Variants in LTBP1 observed in about 807,000 individuals in gnomAD.
LTBP1 encodes latent transforming growth factor beta binding protein 1, also known as latent-transforming growth factor beta-binding protein 1.
Under a neutral mutation model 207.6 loss-of-function variants are expected in LTBP1, and 129 were observed. The observed-to-expected ratio is 0.62, with a 90% CI of 0.54 to 0.72. The LOEUF (loss-of-function observed/expected upper bound fraction) is 0.72, where lower values mean the gene tolerates loss of function less well. LTBP1 is among the 30% of genes least tolerant of loss of function. The probability of loss-of-function intolerance (pLI) is 0.00; values close to 1 mark genes in which losing one functional copy is unlikely to be tolerated. For synonymous variants in LTBP1, 963 were observed against 833.7 expected (o/e 1.16, Z -2.67); for missense variants, 2,281 against 2,217.2 (o/e 1.03, Z -0.58).
At position 33,342,978 on chromosome 2, in the gene LTBP1, T is replaced by G. The variant is rs772083349; in HGVS notation, c.3856+15T>G. On this transcript the variant is annotated intron_variant, in intron 25 of 33. Coordinates refer to ENST00000404816, the MANE Select transcript of LTBP1 (RefSeq NM_206943.4). The stretch of plus-strand genomic sequence containing the variant: ...AGGGTGTGTGGGTGAGTTTTTAGAT[T>G]TTTTCCCAACGTGTTTCACATGTCC... 6.2e-7 allele frequency: 1 copy of G among 1,605,154 alleles called. No individual in the cohort carries two copies. The highest frequency in any genetic ancestry group is 1.1e-5 in the South Asian group (1 of 89,940).
intron 4 of LTBP1, among the ~76,000 whole-genome samples, chr2:33,122,412 C>T (rs1345376832): frequency 6.6e-6 from 1 of 152,164 alleles, no homozygotes; most frequent in Non-Finnish European, 1.5e-5. Flanking sequence ...CTATGGGTGA[C>T]CTCACCTTCT....
intron 3 of LTBP1, among the ~76,000 whole-genome samples, chr2:33,039,080 G>A (rs1490327764): frequency 2.6e-5 from 4 of 152,192 alleles, no homozygotes; most frequent in Admixed American, 2.6e-4. Context: ...GCAGTCTCTA[G>A]CTCTCACAAA....
At chr2:33,012,493 G>T (rs1687810115) in intron 2 of LTBP1, among the ~76,000 whole-genome samples, 1 of 152,130 alleles carries the variant, frequency 6.6e-6, no homozygotes, top group Non-Finnish European at 1.5e-5. Flanking sequence ...ACAAATATTT[G>T]CCAATTGTCC....
chr2:33,243,398 G>A (rs951192509), intron 9 of LTBP1, among the ~76,000 whole-genome samples: 1 of 152,170 alleles, frequency 6.6e-6, no homozygotes, highest in African/African-American at 2.4e-5. Context: ...CAAAAGCTCT[G>A]TGAAGGCCAG....
chr2:33,010,749 C>G (rs1687572756), intron 2 of LTBP1, among the ~76,000 whole-genome samples: 1 of 133,820 alleles, frequency 7.5e-6, no homozygotes, highest in Non-Finnish European at 1.6e-5. Context: ...GAGATGGAGT[C>G]TTGCTCTGTC....
intron 26 of LTBP1, among the ~76,000 whole-genome samples, chr2:33,348,452 G>T (rs1396526643): frequency 6.6e-6 from 1 of 152,172 alleles, no homozygotes; most frequent in Non-Finnish European, 1.5e-5. Flanking sequence ...GTTATTACTG[G>T]TGGGAGGATT....
chr2:33,110,756 GTA>G lies in LTBP1; in HGVS notation c.1033+8_1033+9del, dbSNP rs760409979. 2 of 1,611,706 alleles carry G rather than the reference GTA, an allele frequency of 1.2e-6. No individual in the cohort carries two copies. Among genetic ancestry groups the G allele is most frequent in the East Asian group, 4.5e-5 (2 of 44,822 alleles). ...AAGTTGCGGCACCTTTTCAGCGTGA[GTA>G]TAGTCTTATCAACCATTTTCCCAAG... is the stretch of plus-strand genomic sequence containing the variant. On this transcript the variant is annotated splice_donor_region_variant and intron_variant, in intron 4 of 33. Transcript: ENST00000404816.
intron 24 of LTBP1, chr2:33,318,030 G>C (rs541086395): frequency 6.6e-6 from 1 of 152,168 alleles, no homozygotes; most frequent in South Asian, 2.1e-4. Context: ...CTTTATGAGT[G>C]CAGATGTGAT....
chr2:33,263,168 C>A, intron 14 of LTBP1, 126 bp from the exon 15 acceptor site: 1 of 666,330 alleles, frequency 1.5e-6, no homozygotes, highest in South Asian at 1.8e-5. Flanking sequence ...GGACATAGAA[C>A]AGTTCTTTAT....
At chr2:33,065,565 G>GAAA (rs367546891) in intron 3 of LTBP1, among the ~76,000 whole-genome samples, 1 of 146,848 alleles carries the variant, frequency 6.8e-6, no homozygotes. Context: ...TTCTCTACAG[G>GAAA]AAAAAAAAAA....
intron 24 of LTBP1, among the ~76,000 whole-genome samples, chr2:33,325,753 G>A (rs931503778): frequency 1.3e-5 from 2 of 152,186 alleles, no homozygotes; most frequent in African/African-American, 4.8e-5. Context: ...TCTGAACATC[G>A]TGGAATTTAT....
At chr2:33,242,866 T>G (rs1280925889) in intron 9 of LTBP1, among the ~76,000 whole-genome samples, 1 of 152,146 alleles carries the variant, frequency 6.6e-6, no homozygotes, top group Admixed American at 6.5e-5. Context: ...CTTTGAGTCT[T>G]TCTTTCTCCT....
chr2:33,297,349 G>T (rs1015687810), intron 20 of LTBP1, among the ~76,000 whole-genome samples: 6 of 151,846 alleles, frequency 4.0e-5, no homozygotes, highest in Admixed American at 3.9e-4. Flanking sequence ...TTTTGCAGAT[G>T]AGAAAGCTCA....
At chr2:33,041,315 C>T (rs1024809114) in intron 3 of LTBP1, among the ~76,000 whole-genome samples, 2 of 151,796 alleles carry the variant, frequency 1.3e-5, no homozygotes, top group African/African-American at 4.8e-5. Flanking sequence ...GACGGAGTCT[C>T]GCTGTGTCGC....
At chr2:33,211,137 A>T (rs2090278807) in intron 7 of LTBP1, among the ~76,000 whole-genome samples, 1 of 152,174 alleles carries the variant, frequency 6.6e-6, no homozygotes, top group Non-Finnish European at 1.5e-5. Context: ...TCAGTTTATC[A>T]TTTTTTAGTG....
chr2:33,141,403 TAAG>T (rs1329345904), intron 5 of LTBP1, among the ~76,000 whole-genome samples: 5 of 152,158 alleles, frequency 3.3e-5, no homozygotes, highest in African/African-American at 7.2e-5. Flanking sequence ...CCACAGCACT[TAAG>T]AATAGTAAAG....
chr2:33,392,139 G>GC (rs1365653672), intron 32 of LTBP1, among the ~76,000 whole-genome samples: 2 of 152,128 alleles, frequency 1.3e-5, no homozygotes, highest in African/African-American at 4.8e-5. Context: ...ATTTGCTTGA[G>GC]CAGAGAATAG....
chr2:33,360,681 T>G lies in LTBP1; in HGVS notation c.4085T>G (p.Val1362Gly). Reference protein sequence around the residue: ...NLNDASLCDNVLAPNVTKQEC... With the variant: ...NLNDASLCDNGLAPNVTKQEC... Reference sequence around the variant, plus strand: ...AATGACGCCAGTCTCTGTGATAATGTGTTGGCCCCCAATGTCACGAAACAA... The same window carrying G: ...AATGACGCCAGTCTCTGTGATAATGGGTTGGCCCCCAATGTCACGAAACAA... Residue 1362 changes from valine to glycine, a missense_variant, in exon 27 of 34, where the codon GTG (valine) becomes GGG (glycine). Physicochemically the swap from Val to Gly is moderately radical, Grantham distance 109. Around this residue, in one of 3 missense-constraint regions of LTBP1, gnomAD observed 1,671 missense variants for 1,634.8 expected, o/e 1.02. Coordinates refer to ENST00000404816, the MANE Select transcript of LTBP1 (RefSeq NM_206943.4). 1 of 1,613,472 alleles carries G rather than the reference T, an allele frequency of 6.2e-7. No homozygotes were observed. The highest frequency in any genetic ancestry group is 8.5e-7 in the Non-Finnish European group (1 of 1,179,398).
intron 15 of LTBP1, among the ~76,000 whole-genome samples, chr2:33,271,432 C>T (rs2093319151): frequency 6.6e-6 from 1 of 152,084 alleles, no homozygotes; most frequent in Admixed American, 6.5e-5. Flanking sequence ...GCAAAGGAAG[C>T]TTCTATGTAT....
Sources: gnomAD v4.1 joint callset for allele counts (sites outside exome capture counted in the v4.1 genomes callset) on GRCh38, gnomAD v4.1.1 for gene constraint, gnomAD v4.1.1 regional missense constraint, MANE v1.5 for transcripts, NCBI Gene and HGNC (gene_info 2026-07-23, HGNC 2026-07-21) for gene names.